Variants in EXPH5 observed in about 807,000 individuals in gnomAD.
The protein encoded by EXPH5 is exophilin-5.
A neutral mutation model predicts 41.1 loss-of-function variants in EXPH5; 42 were observed. The ratio of observed to expected loss-of-function variants is 1.02; its 90% confidence interval spans 0.80 to 1.32. The LOEUF is 1.32. Among genes scored for constraint, EXPH5 ranks in the 40% most tolerant of loss-of-function variants. The pLI, the probability that EXPH5 is intolerant of heterozygous loss-of-function variation, is 0.00. For synonymous variants in EXPH5, 798 were observed against 833.5 expected, an observed-to-expected ratio of 0.96 and a Z score of 0.73; for missense variants, 2,298 against 2,314.5, an observed-to-expected ratio of 0.99 and a Z score of 0.15.
chr11:108,506,642 T>C lies in EXPH5; in HGVS notation c.*2895A>G, dbSNP rs2093645414. On this transcript the variant is annotated 3_prime_UTR_variant, in exon 6 of 6. Transcript: ENST00000265843. The stretch of plus-strand genomic sequence containing the variant: ...AATATTAAAATATTAACTCTGAGTA[T>C]CTTAAAATTGCATAGAAAATGTAGG... 2 of 152,150 alleles carry C rather than the reference T, an allele frequency of 1.3e-5. No individual in the cohort carries two copies. Among genetic ancestry groups the C allele is most frequent in the Admixed American group, 1.3e-4 (2 of 15,260 alleles). 9.4% of individuals were successfully genotyped at this position (152,150 alleles called of 1,614,324 possible).
chr11:108,531,791 C>T (rs576829777), intron 3 of EXPH5, among the ~76,000 whole-genome samples: 26 of 152,340 alleles, frequency 1.7e-4, no homozygotes, highest in Admixed American at 3.3e-4. Context: ...TTGTCCAAAA[C>T]GGAATCTATG....
intron 4 of EXPH5, among the ~76,000 whole-genome samples, chr11:108,520,384 T>G (rs1430098849): frequency 2.0e-5 from 3 of 152,082 alleles, no homozygotes; most frequent in African/African-American, 7.2e-5. Flanking sequence ...TCTAGAATGG[T>G]AGAACCCCTC....
chr11:108,563,026 T>A (rs933302815), intron 1 of EXPH5, among the ~76,000 whole-genome samples: 2 of 148,192 alleles, frequency 1.3e-5, no homozygotes, highest in African/African-American at 2.5e-5. Context: ...GTGGGATTTT[T>A]AAAAACAAAC....
rs757296397 is a variant in EXPH5, at chr11:108,508,865, A to C, written c.*672T>G. 1.3e-5 allele frequency: 2 copies of C among 152,228 alleles called. No individual in the cohort carries two copies. Among genetic ancestry groups the C allele is most frequent in the Non-Finnish European group, 1.5e-5 (1 of 68,038 alleles). The allele number at this position is 152,228 out of a possible 1,614,324, so 9.4% of individuals were successfully genotyped here. On this transcript the variant is annotated 3_prime_UTR_variant, in exon 6 of 6. Coordinates refer to ENST00000265843, the MANE Select transcript of EXPH5 (RefSeq NM_015065.3). Reference sequence around the variant, plus strand: ...ATTCAGGTCCTAATCTATAACCTCAACATGTGCTTTGACCATGTGCCTCCC... The same window carrying C: ...ATTCAGGTCCTAATCTATAACCTCACCATGTGCTTTGACCATGTGCCTCCC...
intron 5 of EXPH5, 72 bp from the exon 6 acceptor site, chr11:108,514,947 G>C (rs185234598): frequency 5.3e-5 from 50 of 943,410 alleles, no homozygotes; most frequent in Admixed American, 3.8e-4. Flanking sequence ...GTTATTGAAG[G>C]CTCCTTTTCA....
chr11:108,520,727 T>C (rs977956701), intron 4 of EXPH5, among the ~76,000 whole-genome samples: 13 of 151,440 alleles, frequency 8.6e-5, no homozygotes, highest in Admixed American at 6.6e-4. Context: ...CCACCATGCC[T>C]GGCTAATTTT....
chr11:108,587,506 A>G (rs1349425490), intron 1 of EXPH5, among the ~76,000 whole-genome samples: 3 of 152,198 alleles, frequency 2.0e-5, no homozygotes, highest in East Asian at 3.9e-4. Context: ...CCTTGACCAC[A>G]AGGAATCAAG....
At chr11:108,579,197 A>G (rs1374086866) in intron 1 of EXPH5, among the ~76,000 whole-genome samples, 3 of 115,272 alleles carry the variant, frequency 2.6e-5, no homozygotes, top group Non-Finnish European at 5.7e-5. Context: ...CAGTTTGTTG[A>G]GAGTTTTTTT....
chr11:108,592,085 G>A (rs2094128771), intron 1 of EXPH5, among the ~76,000 whole-genome samples: 2 of 152,148 alleles, frequency 1.3e-5, no homozygotes, highest in Non-Finnish European at 2.9e-5. Flanking sequence ...CGGTGCATGT[G>A]CATATGTGTA....
rs571719283 is a variant in EXPH5 at position 108,592,701 on chromosome 11, C to A, written c.119+717G>T. Among the ~76,000 whole-genome samples the A allele has an allele frequency of 1.1e-3, 170 of 152,296 alleles. 2 individuals are homozygous for A. Among genetic ancestry groups the A allele is most frequent in the African/African-American group, 4.0e-3 (165 of 41,564 alleles). On this transcript the variant is annotated intron_variant, in intron 1 of 5. Transcript: ENST00000265843. ...TTAGTAACTAATCCCTCACCTACAA[C>A]AGTGTATAGTAAGGTCAAGGATGAA...
In EXPH5 at chr11:108,513,693, G is replaced by T. The variant is rs762017890; in HGVS notation, c.1814C>A (p.Pro605His). 1.3e-5 allele frequency: 21 copies of T among 1,612,924 alleles called. No individual in the cohort carries two copies. In the Admixed American group the frequency reaches 2.8e-4, roughly 22 times the overall value. ...SELVSQQDSSPVEVHINKEAS... is the reference protein window; with the variant it reads ...SELVSQQDSSHVEVHINKEAS... ...TTCTTTGTTTATATGTACTTCTACA[G>T]GAGAACTGTCCTGTTGACTTACCAA... The change falls in exon 6 of 6, where the codon CCT becomes CAT. Residue 605 changes from proline (P) to histidine (H), a missense_variant. Pro to His is a moderately conservative substitution (Grantham distance 77). Coordinates refer to ENST00000265843, the MANE Select transcript of EXPH5 (RefSeq NM_015065.3).
At chr11:108,522,248 T>C (rs561371517) in intron 4 of EXPH5, among the ~76,000 whole-genome samples, 69 of 152,268 alleles carry the variant, frequency 4.5e-4, no homozygotes, top group African/African-American at 1.6e-3. Context: ...GACCTAAAGA[T>C]TGAAAATTAT....
In EXPH5 at chr11:108,587,230, G is replaced by A. The variant is rs547901200; in HGVS notation, c.119+6188C>T. On this transcript the variant is annotated intron_variant, in intron 1 of 5. Coordinates refer to ENST00000265843, the MANE Select transcript of EXPH5 (RefSeq NM_015065.3). Reference sequence around the variant, plus strand: ...GCTGGTGTGCTGCACCCATTAACTCGTCATTTAGCATTAGGTATATCTCCT... The same window carrying A: ...GCTGGTGTGCTGCACCCATTAACTCATCATTTAGCATTAGGTATATCTCCT... 5.3e-5 allele frequency among the ~76,000 whole-genome samples: 8 copies of A among 152,206 alleles called. No individual in the cohort carries two copies. In the East Asian group the frequency reaches 1.5e-3, roughly 29 times the overall value.
chr11:108,591,864 A>G (rs2094128317), intron 1 of EXPH5, among the ~76,000 whole-genome samples: 1 of 152,210 alleles, frequency 6.6e-6, no homozygotes, highest in Non-Finnish European at 1.5e-5. Flanking sequence ...ATCTTAAATG[A>G]AAGCTTCTCT....
At chr11:108,557,844 A>T (rs529463973) in intron 1 of EXPH5, among the ~76,000 whole-genome samples, 1 of 152,332 alleles carries the variant, frequency 6.6e-6, no homozygotes, top group Middle Eastern at 3.4e-3. Flanking sequence ...AAGTTAATGA[A>T]TATGAGTTTG....
Position 108,585,378 on chromosome 11 carries a change from T to G in EXPH5, c.119+8040A>C, listed in dbSNP as rs79180710. Among the ~76,000 whole-genome samples the G allele has an allele frequency of 1.8e-3, 273 of 152,286 alleles. 3 individuals are homozygous for G. Among genetic ancestry groups the G allele is most frequent in the African/African-American group, 6.1e-3 (254 of 41,574 alleles). ...AGGGATGGGGCCTTTGGCAGGTGATTAGGTGGAGAGGGCTTCTCCCTCATG... is the reference window on the plus strand; with the variant it reads ...AGGGATGGGGCCTTTGGCAGGTGATGAGGTGGAGAGGGCTTCTCCCTCATG... On this transcript the variant is annotated intron_variant, in intron 1 of 5. Transcript: ENST00000265843.
At chr11:108,553,317 T>C (rs1218221390) in intron 1 of EXPH5, among the ~76,000 whole-genome samples, 1 of 152,182 alleles carries the variant, frequency 6.6e-6, no homozygotes, top group African/African-American at 2.4e-5. Flanking sequence ...GGATGTGTAA[T>C]TACCATCTGG....
Position 108,511,685 on chromosome 11 carries a change from A to G in EXPH5, c.3822T>C (p.Asn1274=). 6.2e-7 allele frequency: 1 copy of G among 1,605,192 alleles called. No homozygotes were observed. Among genetic ancestry groups the G allele is most frequent in the South Asian group, 1.1e-5 (1 of 88,924 alleles). Residue 1274 remains asparagine (N), a synonymous_variant, in exon 6 of 6, where the codon AAT becomes AAC. Transcript: ENST00000265843. ...FCNLLQQYTQ[N]TNLLIESPQV... ...GAGGTGATTCTATAAGTAAATTAGT[A>G]TTTTGTGTATACTGTTGAAGGAGGT... is the stretch of plus-strand genomic sequence containing the variant.
the EXPH5 span, among the ~76,000 whole-genome samples, chr11:108,606,629 C>T: frequency 2.0e-5 from 3 of 152,144 alleles, no homozygotes; most frequent in Non-Finnish European, 4.4e-5. Context: ...ATACCAAGGA[C>T]TCGGCTCAAG....
Sources: allele counts gnomAD v4.1 joint callset (sites outside exome capture counted in the v4.1 genomes callset), GRCh38; gene constraint gnomAD v4.1.1; transcripts MANE v1.5; gene names NCBI Gene and HGNC (gene_info 2026-07-23, HGNC 2026-07-21).